CA10: variants seen among roughly 807,000 people sequenced by gnomAD.
CA10 encodes carbonic anhydrase-related protein 10.
A neutral mutation model predicts 44.2 loss-of-function variants in CA10; 14 were observed. The ratio of observed to expected loss-of-function variants is 0.32; its 90% confidence interval spans 0.21 to 0.50. The LOEUF is 0.50. CA10 is among the 20% of genes least tolerant of loss of function. CA10 has a pLI of 0.99. For synonymous variants in CA10, 159 were observed against 141.6 expected, an observed-to-expected ratio of 1.12 and a Z score of -0.87; for missense variants, 350 against 409.7, an observed-to-expected ratio of 0.85 and a Z score of 1.26.
chr17:52,046,783 T>C (rs1360103671), intron 2 of CA10, among the ~76,000 whole-genome samples: 2 of 151,868 alleles, frequency 1.3e-5, no homozygotes, highest in African/African-American at 4.8e-5. Context: ...TTCAAAAATC[T>C]TTAACAAAGT....
chr17:51,729,991 G>GT (rs1263458215), intron 4 of CA10, among the ~76,000 whole-genome samples: 1 of 152,166 alleles, frequency 6.6e-6, no homozygotes, highest in African/African-American at 2.4e-5. Context: ...GCAGGGAGTG[G>GT]TAAATAACTT....
intron 3 of CA10, among the ~76,000 whole-genome samples, chr17:51,922,973 T>A (rs1277052355): frequency 6.6e-6 from 1 of 152,170 alleles, no homozygotes; most frequent in Non-Finnish European, 1.5e-5. Flanking sequence ...ATAATTGATA[T>A]GTCAATAAAG....
At chr17:51,805,608 T>C (rs536545293) in intron 3 of CA10, among the ~76,000 whole-genome samples, 10 of 152,364 alleles carry the variant, frequency 6.6e-5, no homozygotes, top group Admixed American at 3.3e-4. Context: ...TTAAAAACAG[T>C]TTTATTGAAG....
intron 2 of CA10, among the ~76,000 whole-genome samples, chr17:52,035,049 G>C (rs1167420122): frequency 6.6e-6 from 1 of 152,128 alleles, no homozygotes; most frequent in Non-Finnish European, 1.5e-5. Context: ...AGAAATTCTA[G>C]CCAGAAAAGG....
At chr17:52,124,301 A>C (rs1989073188) in intron 1 of CA10, among the ~76,000 whole-genome samples, 1 of 152,170 alleles carries the variant, frequency 6.6e-6, no homozygotes. Context: ...TGCAAAACTT[A>C]TTATTGGTCC....
intron 3 of CA10, among the ~76,000 whole-genome samples, chr17:51,776,271 A>C (rs1905816756): frequency 6.6e-6 from 1 of 152,150 alleles, no homozygotes; most frequent in Non-Finnish European, 1.5e-5. Flanking sequence ...GCTACTCGGG[A>C]GGCTGAGGCA....
At position 51,717,826 on chromosome 17, in the gene CA10, T is replaced by TATATATACAC. The variant is rs796143661; in HGVS notation, c.465+29806_465+29807insGTGTATATAT. ...ATATATATACACGTATATATATGTG[T>TATATATACAC]GTGTATATATATATATATATATATA... On this transcript the variant is annotated intron_variant, in intron 4 of 8. Coordinates refer to ENST00000451037, the MANE Select transcript of CA10 (RefSeq NM_020178.5). 1.5e-4 allele frequency among the ~76,000 whole-genome samples: 3 copies of TATATATACAC among 19,356 alleles called. 1 individual carries two copies. Among genetic ancestry groups the TATATATACAC allele is most frequent in the African/African-American group, 5.1e-4 (3 of 5,910 alleles). The allele number at this position is 19,356 out of a possible 152,430, so 12.7% of individuals were successfully genotyped here. A position where few individuals can be genotyped will look rare whatever the true frequency, so the allele number is the denominator to read the frequency against.
rs77390425 is a variant in CA10, at chr17:52,087,539, G to A, written c.62-15146C>T. Among the ~76,000 whole-genome samples the A allele has an allele frequency of 7.8e-3, 1,184 of 152,304 alleles. 8 individuals carry two copies. Among genetic ancestry groups the A allele is most frequent in the South Asian group, 0.022 (107 of 4,828 alleles). On this transcript the variant is annotated intron_variant, in intron 1 of 8. Transcript: ENST00000451037. The stretch of plus-strand genomic sequence containing the variant: ...TCAGTGGTAGAAGGTATGGAGAATG[G>A]TTCCTTCTTCCCTGAATAACTTTTC...
At chr17:51,855,197 A>G (rs1416081777) in intron 3 of CA10, among the ~76,000 whole-genome samples, 2 of 152,188 alleles carry the variant, frequency 1.3e-5, no homozygotes, top group Admixed American at 6.5e-5. Context: ...GCCAGCTTGA[A>G]GAGTTATGAG....
chr17:51,916,720 T>C (rs1053081874), intron 3 of CA10, among the ~76,000 whole-genome samples: 3 of 152,104 alleles, frequency 2.0e-5, no homozygotes, highest in African/African-American at 7.2e-5. Context: ...CAAAGTTGTA[T>C]TAAAAGAGGA....
chr17:52,046,576 T>G (rs2144201509), intron 2 of CA10, among the ~76,000 whole-genome samples: 1 of 151,948 alleles, frequency 6.6e-6, no homozygotes, highest in East Asian at 1.9e-4. Context: ...TTATAAATCT[T>G]TATAAAAATT....
intron 2 of CA10, among the ~76,000 whole-genome samples, chr17:51,961,807 C>T (rs890160785): frequency 2.0e-5 from 3 of 152,194 alleles, no homozygotes; most frequent in Admixed American, 1.3e-4. Context: ...CCTTACTGTG[C>T]GTAGATTCTG....
chr17:52,011,296 T>C (rs1248223533), intron 2 of CA10, among the ~76,000 whole-genome samples: 1 of 152,006 alleles, frequency 6.6e-6, no homozygotes, highest in Non-Finnish European at 1.5e-5. Flanking sequence ...AGCCCTATGA[T>C]CAGACTTGCA....
intron 1 of CA10, among the ~76,000 whole-genome samples, chr17:52,102,261 T>A (rs544663932): frequency 6.6e-6 from 1 of 152,358 alleles, no homozygotes; most frequent in African/African-American, 2.4e-5. Flanking sequence ...GAAGGCTGTT[T>A]GTGGAACATC....
intron 3 of CA10, among the ~76,000 whole-genome samples, chr17:51,845,774 A>C (rs1473053336): frequency 1.3e-5 from 2 of 152,206 alleles, no homozygotes; most frequent in Non-Finnish European, 2.9e-5. Context: ...GCTCTGTCAT[A>C]TAGGCCCATC....
intron 4 of CA10, among the ~76,000 whole-genome samples, chr17:51,734,043 C>T (rs202222052): frequency 6.6e-6 from 1 of 151,190 alleles, no homozygotes; most frequent in African/African-American, 2.4e-5. Context: ...TTCAATATTG[C>T]GACAAGAAAA....
At chr17:51,874,952 TTTTTTTTC>T (rs1245343183) in intron 3 of CA10, among the ~76,000 whole-genome samples, 38 of 66,682 alleles carry the variant, frequency 5.7e-4, no homozygotes, top group South Asian at 1.1e-3. Flanking sequence ...TTTCTTCTGT[TTTTTTTTC>T]TTTTTTTTCT....
At chr17:51,672,887 G>A (rs983561675) in intron 4 of CA10, among the ~76,000 whole-genome samples, 3 of 152,188 alleles carry the variant, frequency 2.0e-5, no homozygotes, top group Non-Finnish European at 4.4e-5. Context: ...CTGAGCTCTG[G>A]CTGCTTTCTA....
At chr17:51,840,445 T>C (rs1294064492) in intron 3 of CA10, among the ~76,000 whole-genome samples, 2 of 151,594 alleles carry the variant, frequency 1.3e-5, no homozygotes, top group Non-Finnish European at 2.9e-5. Context: ...TTTTGTAATG[T>C]ACTTGAACTC....
Sources: gnomAD v4.1 joint callset for allele counts (sites outside exome capture counted in the v4.1 genomes callset) on GRCh38, gnomAD v4.1.1 for gene constraint, MANE v1.5 for transcripts, NCBI Gene and HGNC (gene_info 2026-07-23, HGNC 2026-07-21) for gene names.